CMTM4: variants seen among roughly 807,000 people sequenced by gnomAD.
The protein encoded by CMTM4 is CKLF-like MARVEL transmembrane domain-containing protein 4.
Under a neutral mutation model 19.0 loss-of-function variants are expected in CMTM4, and 8 were observed. The ratio of observed to expected loss-of-function variants is 0.42; its 90% CI spans 0.25 to 0.76. CMTM4 has a LOEUF of 0.76. CMTM4 is among the 30% of genes least tolerant of loss of function. The probability of loss-of-function intolerance (pLI) is 0.27; values close to 1 mark genes in which losing one functional copy is unlikely to be tolerated. For missense variants in CMTM4, 228 were observed against 290.2 expected, an observed-to-expected ratio of 0.79 and a Z score of 1.56; for synonymous variants, 106 against 121.1, an observed-to-expected ratio of 0.88 and a Z score of 0.82.
At position 66,681,661 on chromosome 16, in the gene CMTM4, C is replaced by T. The variant is rs374104134; in HGVS notation, c.186+14679G>A. On this transcript the variant is annotated intron_variant, in intron 1 of 3. Transcript: ENST00000394106. ...TTTTGTATTTATGCATATCTCAATT[C>T]GTACCAGCCACATTTCAAGCGCTCA... 9.8e-4 allele frequency among the ~76,000 whole-genome samples: 149 copies of T among 152,250 alleles called. 3 individuals carry two copies. The East Asian group carries it at 0.015, about 16-fold the overall frequency.
intron 1 of CMTM4, among the ~76,000 whole-genome samples, chr16:66,685,637 C>A (rs1421647497): frequency 2.0e-5 from 3 of 151,966 alleles, no homozygotes; most frequent in South Asian, 2.1e-4. Context: ...AAGATTCTTA[C>A]TGATTTCTTT....
intron 1 of CMTM4, among the ~76,000 whole-genome samples, chr16:66,648,253 T>C (rs895637353): frequency 1.3e-5 from 2 of 152,242 alleles, no homozygotes; most frequent in South Asian, 4.1e-4. Context: ...ACACATGGGC[T>C]AGAAAGAGTA....
chr16:66,668,701 T>C (rs1023739201), intron 1 of CMTM4, among the ~76,000 whole-genome samples: 6 of 152,192 alleles, frequency 3.9e-5, no homozygotes, highest in African/African-American at 1.4e-4. Context: ...CTTTTGACTA[T>C]TACCTTAAAA....
chr16:66,628,154 GT>G (rs2015780632), intron 2 of CMTM4, among the ~76,000 whole-genome samples: 1 of 152,252 alleles, frequency 6.6e-6, no homozygotes, highest in African/African-American at 2.4e-5. Context: ...CCATAGGGCG[GT>G]TTTTCTCCTA....
At chr16:66,631,595 C>A (rs2144801293) in intron 2 of CMTM4, among the ~76,000 whole-genome samples, 1 of 152,260 alleles carries the variant, frequency 6.6e-6, no homozygotes, top group Admixed American at 6.5e-5. Flanking sequence ...AAGAAAAATT[C>A]TTCTGCCTTG....
the CMTM4 span, among the ~76,000 whole-genome samples, chr16:66,599,661 C>T: frequency 1.3e-5 from 2 of 152,142 alleles, no homozygotes; most frequent in East Asian, 1.9e-4. Context: ...ACACGTGGCC[C>T]TCAAGATACT....
intron 1 of CMTM4, among the ~76,000 whole-genome samples, chr16:66,644,353 T>G (rs2016150418): frequency 1.3e-5 from 2 of 152,252 alleles, no homozygotes; most frequent in South Asian, 4.1e-4. Flanking sequence ...TGCACTTGTG[T>G]ACACCGAAAT....
At chr16:66,659,215 A>C (rs750545376) in intron 1 of CMTM4, among the ~76,000 whole-genome samples, 9 of 152,060 alleles carry the variant, frequency 5.9e-5, no homozygotes, top group Non-Finnish European at 8.8e-5. Flanking sequence ...TCACTACTAA[A>C]AATACAAAAA....
At chr16:66,666,279 C>T (rs1224839590) in intron 1 of CMTM4, among the ~76,000 whole-genome samples, 1 of 151,866 alleles carries the variant, frequency 6.6e-6, no homozygotes, top group Admixed American at 6.6e-5. Context: ...GGTGAAACCC[C>T]GTCTCTACTA....
At chr16:66,623,611 G>T in intron 2 of CMTM4, 109 bp from the exon 3 acceptor site, 1 of 660,116 alleles carries the variant, frequency 1.5e-6, no homozygotes. Flanking sequence ...CCTCCCTGGT[G>T]GCTCCATATT....
chr16:66,623,439 A>G lies in CMTM4; in HGVS notation c.427T>C (p.Leu143=), dbSNP rs2015677058. ...FFIASIVLAA[L]NHRAGAEIAA... is the part of the protein sequence containing the mutation. ...ATTTCTGCTCCGGCTCTATGGTTTA[A>G]AGCAGCCAGTACGATTGAAGCAATA... is the stretch of plus-strand genomic sequence containing the variant. The change falls in exon 3 of 4, where the codon TTA becomes CTA. Residue 143 remains leucine, a synonymous_variant. Coordinates refer to ENST00000394106, the MANE Select transcript of CMTM4 (RefSeq NM_181521.3). The G allele has an allele frequency of 6.2e-7, 1 of 1,614,052 alleles. No individual in the cohort carries two copies. Among genetic ancestry groups the G allele is most frequent in the Non-Finnish European group, 8.5e-7 (1 of 1,179,972 alleles).
chr16:66,674,834 C>A (rs544888232), intron 1 of CMTM4, among the ~76,000 whole-genome samples: 1 of 149,952 alleles, frequency 6.7e-6, no homozygotes, highest in East Asian at 2.0e-4. Flanking sequence ...CTCCACCTCC[C>A]GGGTTCAAGC....
At chr16:66,637,401 G>A (rs559079081) in intron 1 of CMTM4, among the ~76,000 whole-genome samples, 13 of 152,126 alleles carry the variant, frequency 8.5e-5, no homozygotes, top group Middle Eastern at 6.8e-3. Context: ...AAAATCAGCC[G>A]GGTGTGGTGG....
the CMTM4 span, chr16:66,604,461 C>A: frequency 1.5e-5 from 3 of 198,476 alleles, no homozygotes; most frequent in East Asian, 2.3e-4. Context: ...TATAGACAGC[C>A]CTTCTGGATA....
downstream of CMTM4, among the ~76,000 whole-genome samples, chr16:66,612,346 G>A (rs531806277): frequency 9.1e-4 from 138 of 152,242 alleles, no homozygotes; most frequent in African/African-American, 3.2e-3. The surrounding 1 kb of genome is among the most constrained non-coding windows in gnomAD (Gnocchi z 6.0). Flanking sequence ...TTGCACTCCA[G>A]CCTGGGTGAT....
In CMTM4 at chr16:66,642,950, G is replaced by A. The variant is rs920708912; in HGVS notation, c.187-6369C>T. ...TTTGGTTTTGTTTCGTTTGTTGCCAGAGTCTCTGTCGCCCAGGCTGGAATG... is the reference window on the plus strand; with the variant it reads ...TTTGGTTTTGTTTCGTTTGTTGCCAAAGTCTCTGTCGCCCAGGCTGGAATG... On this transcript the variant is annotated intron_variant, in intron 1 of 3. Coordinates refer to ENST00000394106, the MANE Select transcript of CMTM4 (RefSeq NM_181521.3). 5.9e-5 allele frequency among the ~76,000 whole-genome samples: 9 copies of A among 152,076 alleles called. No homozygotes were observed. The South Asian group carries it at 1.9e-3, about 32-fold the overall frequency.
chr16:66,638,444 G>C (rs2016037474), intron 1 of CMTM4, among the ~76,000 whole-genome samples: 1 of 152,240 alleles, frequency 6.6e-6, no homozygotes, highest in Admixed American at 6.5e-5. Context: ...ACACATTAAA[G>C]ACATGGGTCT....
chr16:66,625,428 C>CT lies in CMTM4; in HGVS notation c.364-1927dup, dbSNP rs2015717096. Among the ~76,000 whole-genome samples, 6 of 144,780 alleles carry CT rather than the reference C, an allele frequency of 4.1e-5. No individual in the cohort carries two copies. The South Asian group carries it at 1.1e-3, about 26-fold the overall frequency. 95.0% of individuals were successfully genotyped at this position (144,780 alleles called of 152,430 possible). Reference sequence around the variant, plus strand: ...CAGCCTAGGCAACAAGAGCGAAACTCTGTCTCAAAAAAAAAAAAAAAGAAA... The same window carrying CT: ...CAGCCTAGGCAACAAGAGCGAAACTCTTGTCTCAAAAAAAAAAAAAAAGAAA... On this transcript the variant is annotated intron_variant, in intron 2 of 3. Coordinates refer to ENST00000394106, the MANE Select transcript of CMTM4 (RefSeq NM_181521.3).
rs1046982158 is a variant in CMTM4, at chr16:66,615,496, A to G, written c.*6562T>C. On this transcript the variant is annotated 3_prime_UTR_variant, in exon 4 of 4. Transcript: ENST00000394106. The surrounding 1 kb of genome is among the most constrained non-coding windows in gnomAD (Gnocchi z 4.9). Reference sequence around the variant, plus strand: ...TTGGTGTCATCTAGCTCCTCACAGCAAACAGCCTGTTTTGTTCAGGCCTGA... The same window carrying G: ...TTGGTGTCATCTAGCTCCTCACAGCGAACAGCCTGTTTTGTTCAGGCCTGA... 1 of 152,218 alleles carries G rather than the reference A, an allele frequency of 6.6e-6. No homozygotes were observed. The highest frequency in any genetic ancestry group is 1.5e-5 in the Non-Finnish European group (1 of 68,050). 9.4% of individuals were successfully genotyped at this position (152,218 alleles called of 1,614,324 possible).
Sources: gnomAD v4.1 joint callset for allele counts (sites outside exome capture counted in the v4.1 genomes callset) on GRCh38, gnomAD v4.1.1 for gene constraint, Gnocchi (gnomAD v3.1) non-coding constraint, MANE v1.5 for transcripts, NCBI Gene and HGNC (gene_info 2026-07-23, HGNC 2026-07-21) for gene names.